Variants in ANK2 observed in about 807,000 individuals in gnomAD.
The protein encoded by ANK2 is ankyrin 2, also known as ankyrin-2.
ANK2 carries 83 observed loss-of-function variants against 360.5 expected under a neutral mutation model. The ratio of observed to expected loss-of-function variants is 0.23; its 90% CI spans 0.19 to 0.28. The LOEUF (loss-of-function observed/expected upper bound fraction) is 0.28, where lower values mean the gene tolerates loss of function less well. ANK2 is among the 10% of genes least tolerant of loss of function. The pLI is 1.00. For missense variants in ANK2, 4,201 were observed against 4,795.7 expected, an observed-to-expected ratio of 0.88 and a Z score of 3.66; for synonymous variants, 1,740 against 1,759.5, an observed-to-expected ratio of 0.99 and a Z score of 0.28.
chr4:113,335,318 T>C (rs1376087572), intron 29 of ANK2, among the ~76,000 whole-genome samples: 1 of 152,092 alleles, frequency 6.6e-6, no homozygotes, highest in African/African-American at 2.4e-5. Flanking sequence ...TCCACTGGAG[T>C]AAACTCATAA....
intron 26 of ANK2, chr4:113,323,706 ATATT>A: frequency 6.4e-7 from 1 of 1,551,696 alleles, no homozygotes; most frequent in Non-Finnish European, 8.8e-7. Flanking sequence ...TTCCTTCCTT[ATATT>A]TCACTTTATC....
intron 9 of ANK2, among the ~76,000 whole-genome samples, chr4:113,247,575 A>G (rs1479844869): frequency 6.6e-6 from 1 of 152,226 alleles, no homozygotes. Flanking sequence ...ATTTGCAGAA[A>G]GCAATACTCT....
At chr4:112,981,996 CTT>C (rs1397184223) in intron 2 of ANK2, among the ~76,000 whole-genome samples, 1 of 152,080 alleles carries the variant, frequency 6.6e-6, no homozygotes, top group Non-Finnish European at 1.5e-5. Context: ...AGCAGTGAAA[CTT>C]TGATTTTGAC....
Position 113,334,615 on chromosome 4 carries a change from A to G in ANK2, c.3380-1231A>G, listed in dbSNP as rs1259695660. Among the ~76,000 whole-genome samples the G allele has an allele frequency of 1.7e-3, 222 of 127,918 alleles. 3 individuals carry two copies. Among genetic ancestry groups the G allele is most frequent in the Admixed American group, 2.8e-3 (38 of 13,362 alleles). 83.9% of individuals were successfully genotyped at this position (127,918 alleles called of 152,430 possible). A position where few individuals can be genotyped will look rare whatever the true frequency, so the allele number is the denominator to read the frequency against. ...TAGATTAATTAATCTATTACTAGAA[A>G]GTTAATAGATTAATTAATCTATTAC... On this transcript the variant is annotated intron_variant, in intron 29 of 45. Coordinates refer to ENST00000357077, the MANE Select transcript of ANK2 (RefSeq NM_001148.6).
intron 2 of ANK2, among the ~76,000 whole-genome samples, chr4:113,010,656 C>T (rs1171586104): frequency 1.3e-5 from 2 of 151,998 alleles, no homozygotes; most frequent in Admixed American, 6.6e-5. Flanking sequence ...TGATGGAGAG[C>T]CTAAAGAGGA....
At chr4:112,835,535 A>T (rs1325649848) in intron 1 of ANK2, among the ~76,000 whole-genome samples, 4 of 152,190 alleles carry the variant, frequency 2.6e-5, no homozygotes, top group Non-Finnish European at 5.9e-5. Flanking sequence ...GTATAAATAT[A>T]AGAGGCCAGA....
chr4:113,348,427 G>C, intron 36 of ANK2, 119 bp downstream of exon 36: 3 of 1,066,620 alleles, frequency 2.8e-6, no homozygotes, highest in Non-Finnish European at 4.3e-6. Context: ...TAATTAAAGG[G>C]GCACAATTTT....
At chr4:113,302,891 G>A (rs760121572) in intron 23 of ANK2, 52 bp downstream of exon 23, 1 of 1,487,316 alleles carries the variant, frequency 6.7e-7, no homozygotes, top group South Asian at 1.1e-5. Flanking sequence ...TTACACAAGG[G>A]CAAATTACCC....
intron 1 of ANK2, chr4:113,145,794 T>G: frequency 7.9e-7 from 1 of 1,259,086 alleles, no homozygotes; most frequent in South Asian, 1.3e-5. Context: ...CCCACATTAG[T>G]GTACCCCTGG....
the ANK2 span, among the ~76,000 whole-genome samples, chr4:112,724,527 A>T: frequency 3.3e-5 from 5 of 150,452 alleles, no homozygotes; most frequent in Non-Finnish European, 7.4e-5. Flanking sequence ...GGAAGAAAAT[A>T]AAGATACAAA....
intron 23 of ANK2, among the ~76,000 whole-genome samples, chr4:113,309,756 G>A (rs1356533153): frequency 1.3e-5 from 2 of 152,146 alleles, no homozygotes; most frequent in African/African-American, 4.8e-5. Context: ...CTGAGCTCAA[G>A]CAATCCTCCT....
At chr4:113,172,683 T>A (rs978606117) in intron 1 of ANK2, among the ~76,000 whole-genome samples, 2 of 152,318 alleles carry the variant, frequency 1.3e-5, no homozygotes, top group Middle Eastern at 3.4e-3. Context: ...AGCACACAGA[T>A]TTGTTTTGGA....
chr4:112,869,778 G>A (rs2072178929), intron 1 of ANK2, among the ~76,000 whole-genome samples: 1 of 152,160 alleles, frequency 6.6e-6, no homozygotes, highest in South Asian at 2.1e-4. Flanking sequence ...TGCCGCCTTA[G>A]TTGAAGTGAT....
chr4:113,228,334 C>T (rs933402046), intron 4 of ANK2, among the ~76,000 whole-genome samples: 9 of 152,158 alleles, frequency 5.9e-5, no homozygotes, highest in Non-Finnish European at 8.8e-5. Flanking sequence ...TCACTCAGCT[C>T]CCTCCCACCC....
rs897520016 is a variant in ANK2, at chr4:113,383,111, A to T, written c.*1640A>T. On this transcript the variant is annotated 3_prime_UTR_variant, in exon 46 of 46. Transcript: ENST00000357077. ...CAATGAAGATGAAATTTAAATAAAA[A>T]AGGACAGAGTCTATCCTCCAGGGAT... 6.5e-6 allele frequency: 1 copy of T among 152,674 alleles called. No homozygotes were observed. The highest frequency in any genetic ancestry group is 1.5e-5 in the Non-Finnish European group (1 of 68,044). The allele number at this position is 152,674 out of a possible 1,614,324, so 9.5% of individuals were successfully genotyped here. A position where few individuals can be genotyped will look rare whatever the true frequency, so the allele number is the denominator to read the frequency against.
At chr4:112,760,391 G>A in the ANK2 span, among the ~76,000 whole-genome samples, 12 of 152,008 alleles carry the variant, frequency 7.9e-5, no homozygotes, top group Non-Finnish European at 1.0e-4. Flanking sequence ...GTTTCACCGT[G>A]TTAGCGAGGA....
In ANK2 at chr4:113,149,874, C is replaced by CAAAAAAA. The variant is rs34667216; in HGVS notation, c.85-24522_85-24516dup. On this transcript the variant is annotated intron_variant, in intron 1 of 45. Coordinates refer to ENST00000357077, the MANE Select transcript of ANK2 (RefSeq NM_001148.6). ...CTTGCGTGAGAGTGAGACCCTGCCTCAAAAAAAAAAAAAAAAAAAAAAAAA... is the reference window on the plus strand; with the variant it reads ...CTTGCGTGAGAGTGAGACCCTGCCTCAAAAAAAAAAAAAAAAAAAAAAAAAAAAAAAA... 5.0e-3 allele frequency among the ~76,000 whole-genome samples: 156 copies of CAAAAAAA among 31,398 alleles called. 17 individuals carry two copies. Among genetic ancestry groups the CAAAAAAA allele is most frequent in the African/African-American group, 0.014 (111 of 7,792 alleles). The allele number at this position is 31,398 out of a possible 152,430, so 20.6% of individuals were successfully genotyped here. A position where few individuals can be genotyped will look rare whatever the true frequency, so the allele number is the denominator to read the frequency against.
At chr4:113,301,729 G>A (rs1442430246) in intron 22 of ANK2, among the ~76,000 whole-genome samples, 1 of 152,072 alleles carries the variant, frequency 6.6e-6, no homozygotes, top group East Asian at 1.9e-4. Context: ...AGATTATGCA[G>A]TATTTGTCTC....
intron 1 of ANK2, among the ~76,000 whole-genome samples, chr4:112,866,290 G>C (rs760108612): frequency 6.6e-6 from 1 of 152,114 alleles, no homozygotes; most frequent in African/African-American, 2.4e-5. Flanking sequence ...TCAACTGCTA[G>C]GTAAGAACAT....
Sources: allele counts gnomAD v4.1 joint callset (sites outside exome capture counted in the v4.1 genomes callset), GRCh38; gene constraint gnomAD v4.1.1; transcripts MANE v1.5; gene names NCBI Gene and HGNC (gene_info 2026-07-23, HGNC 2026-07-21).